Variants in ARHGAP10 observed in about 807,000 individuals in gnomAD.
The protein encoded by ARHGAP10 is rho GTPase-activating protein 10.
Under a neutral mutation model 108.6 loss-of-function variants are expected in ARHGAP10, and 87 were observed. The observed-to-expected ratio is 0.80, with a 90% CI of 0.67 to 0.96. ARHGAP10 has a LOEUF of 0.96. Among genes scored for constraint, ARHGAP10 ranks in the 40% least tolerant of loss-of-function variants. ARHGAP10 has a pLI of 0.00. For missense variants in ARHGAP10, 939 were observed against 954.5 expected (o/e 0.98, Z 0.21); for synonymous variants, 347 against 341.1 (o/e 1.02, Z -0.19).
chr4:147,837,651 T>TTTTTTTTTTTTTTTTTTTTG (rs1733231893), intron 3 of ARHGAP10, among the ~76,000 whole-genome samples: 1 of 85,254 alleles, frequency 1.2e-5, no homozygotes, highest in African/African-American at 3.0e-5. Flanking sequence ...CTGTTTTTTT[T>TTTTTTTTTTTTTTTTTTTTG]TTTTTTTTTT....
intron 18 of ARHGAP10, among the ~76,000 whole-genome samples, chr4:148,020,496 TG>T (rs1741524515): frequency 6.6e-6 from 1 of 151,902 alleles, no homozygotes; most frequent in Non-Finnish European, 1.5e-5. Flanking sequence ...CAGGTGTCCA[TG>T]GGTTCTCTTT....
At chr4:147,851,271 A>T (rs192509260) in intron 4 of ARHGAP10, among the ~76,000 whole-genome samples, 3,793 of 149,042 alleles carry the variant, frequency 0.025, 149 homozygotes, top group African/African-American at 0.087. Flanking sequence ...TTTTTTTTTT[A>T]AAATACAGGA....
At chr4:147,879,179 G>A in intron 8 of ARHGAP10, 53 bp from the exon 9 acceptor site, 1 of 1,490,394 alleles carries the variant, frequency 6.7e-7, no homozygotes. Flanking sequence ...TTATAGCTCT[G>A]CAAATCTGCT....
chr4:147,764,454 C>T (rs1477823116), intron 1 of ARHGAP10, among the ~76,000 whole-genome samples: 2 of 151,428 alleles, frequency 1.3e-5, no homozygotes, highest in African/African-American at 4.9e-5. Flanking sequence ...GATCTCCCAT[C>T]GGCTCCCATG....
At chr4:147,840,523 T>C (rs1440404339) in intron 3 of ARHGAP10, among the ~76,000 whole-genome samples, 1 of 152,198 alleles carries the variant, frequency 6.6e-6, no homozygotes, top group Non-Finnish European at 1.5e-5. Flanking sequence ...AGGTAAGCTC[T>C]AATCTAACGG....
chr4:147,882,827 G>C lies in ARHGAP10; in HGVS notation c.1034+895G>C, dbSNP rs983803499. Among the ~76,000 whole-genome samples the C allele has an allele frequency of 2.0e-5, 3 of 152,270 alleles. No individual in the cohort carries two copies. The East Asian group carries it at 5.8e-4, about 29-fold the overall frequency. On this transcript the variant is annotated intron_variant, in intron 10 of 22. Coordinates refer to ENST00000336498, the MANE Select transcript of ARHGAP10 (RefSeq NM_024605.4). ...CTGGCATTAATTTCTATGTCCTCCAGTAGCATTAAGGAAAATCCTAGTGTT... is the reference window on the plus strand; with the variant it reads ...CTGGCATTAATTTCTATGTCCTCCACTAGCATTAAGGAAAATCCTAGTGTT...
intron 18 of ARHGAP10, among the ~76,000 whole-genome samples, chr4:147,993,952 A>G (rs1567062): frequency 0.53 from 80,338 of 152,186 alleles, 25,102 homozygotes; most frequent in Non-Finnish European, 0.68. Context: ...GAAAGGGTAG[A>G]TAGTATTGAT....
intron 1 of ARHGAP10, among the ~76,000 whole-genome samples, chr4:147,750,197 A>G (rs917207917): frequency 1.3e-5 from 2 of 152,214 alleles, no homozygotes; most frequent in Non-Finnish European, 2.9e-5. Flanking sequence ...TAATGTATGC[A>G]GTGAGAACAA....
intron 1 of ARHGAP10, among the ~76,000 whole-genome samples, chr4:147,794,793 C>G (rs1731247780): frequency 6.6e-6 from 1 of 152,170 alleles, no homozygotes. Context: ...AAACATGTTA[C>G]AGTACCATTT....
At chr4:147,910,695 T>C (rs1736696273) in intron 12 of ARHGAP10, among the ~76,000 whole-genome samples, 2 of 152,058 alleles carry the variant, frequency 1.3e-5, no homozygotes, top group Non-Finnish European at 2.9e-5. Context: ...TTAACTTACA[T>C]AAAAACGTGA....
At chr4:147,829,577 CT>C (rs1350983900) in intron 3 of ARHGAP10, among the ~76,000 whole-genome samples, 1 of 152,150 alleles carries the variant, frequency 6.6e-6, no homozygotes, top group Non-Finnish European at 1.5e-5. Context: ...GGAGTCAGAT[CT>C]GATACAGTTA....
intron 4 of ARHGAP10, among the ~76,000 whole-genome samples, chr4:147,847,632 AC>A (rs1380696503): frequency 6.6e-6 from 1 of 152,216 alleles, no homozygotes; most frequent in Non-Finnish European, 1.5e-5. Context: ...CTAGGAAGAG[AC>A]TATTAAGTTA....
chr4:148,045,679 G>A (rs1265510480), intron 19 of ARHGAP10, among the ~76,000 whole-genome samples: 8 of 149,134 alleles, frequency 5.4e-5, no homozygotes, highest in Non-Finnish European at 8.9e-5. Context: ...CGGAGCTTGC[G>A]GTGAGCCGAG....
chr4:147,784,537 TA>T (rs1730729476), intron 1 of ARHGAP10, among the ~76,000 whole-genome samples: 1 of 118,274 alleles, frequency 8.5e-6, no homozygotes. Flanking sequence ...ATAAAACATA[TA>T]TTTTATAGTA....
At chr4:147,918,618 G>A (rs190477890) in intron 13 of ARHGAP10, among the ~76,000 whole-genome samples, 73 of 152,296 alleles carry the variant, frequency 4.8e-4, no homozygotes, top group African/African-American at 1.5e-3. Flanking sequence ...TCCCTGGTCT[G>A]GACTTAGGGG....
At chr4:147,985,101 C>T (rs962475209) in intron 18 of ARHGAP10, among the ~76,000 whole-genome samples, 3 of 152,168 alleles carry the variant, frequency 2.0e-5, no homozygotes, top group Non-Finnish European at 2.9e-5. Context: ...GTGGGTCCTC[C>T]AGGTGCCAGG....
intron 19 of ARHGAP10, among the ~76,000 whole-genome samples, chr4:148,042,108 C>T (rs936105085): frequency 3.9e-5 from 6 of 152,142 alleles, no homozygotes; most frequent in Non-Finnish European, 5.9e-5. Context: ...TGCCTACAAC[C>T]GGTCTTATTA....
chr4:147,993,048 T>C (rs1385893814), intron 18 of ARHGAP10, among the ~76,000 whole-genome samples: 1 of 152,252 alleles, frequency 6.6e-6, no homozygotes, highest in Non-Finnish European at 1.5e-5. Flanking sequence ...CTTTCTAATA[T>C]CTTACCTATG....
intron 7 of ARHGAP10, among the ~76,000 whole-genome samples, chr4:147,870,045 T>TG (rs1734749663): frequency 3.3e-5 from 5 of 150,086 alleles, no homozygotes; most frequent in Admixed American, 6.7e-5. Context: ...TGTGTGTGTG[T>TG]TTCATTTATT....
Sources: gnomAD v4.1 joint callset for allele counts (sites outside exome capture counted in the v4.1 genomes callset) on GRCh38, gnomAD v4.1.1 for gene constraint, MANE v1.5 for transcripts, NCBI Gene and HGNC (gene_info 2026-07-23, HGNC 2026-07-21) for gene names.